SLC44A1: variants seen among roughly 807,000 people sequenced by gnomAD.
SLC44A1 encodes the protein solute carrier family 44 member 1, also known as choline transporter-like protein 1.
A neutral mutation model predicts 79.3 loss-of-function variants in SLC44A1; 26 were observed. The observed-to-expected ratio is 0.33, with a 90% confidence interval of 0.24 to 0.46. The LOEUF (loss-of-function observed/expected upper bound fraction) is 0.46, where lower values mean the gene tolerates loss of function less well. SLC44A1 is among the 20% of genes least tolerant of loss of function. SLC44A1 has a pLI of 1.00. For synonymous variants in SLC44A1, 263 were observed against 286.2 expected (o/e 0.92, Z 0.82); for missense variants, 688 against 798.1 (o/e 0.86, Z 1.66).
chr9:105,436,634 T>G lies in SLC44A1; in HGVS notation c.1951-1647T>G, dbSNP rs572690388. ...GTAAGACAGCAAAGTTTAGGTGAGG[T>G]GTTGTGGAAAATAGGAAGCCATTGC... On this transcript the variant is annotated intron_variant, in intron 15 of 15. Transcript: ENST00000374724. Among the ~76,000 whole-genome samples the G allele has an allele frequency of 4.6e-5, 7 of 151,874 alleles. No individual in the cohort carries two copies. The South Asian group carries it at 1.5e-3, about 32-fold the overall frequency.
intron 15 of SLC44A1, among the ~76,000 whole-genome samples, chr9:105,414,429 C>G (rs1481245189): frequency 6.6e-6 from 1 of 152,142 alleles, no homozygotes; most frequent in Non-Finnish European, 1.5e-5. Context: ...AATGCATGCT[C>G]CCTCAGCACC....
intron 3 of SLC44A1, among the ~76,000 whole-genome samples, chr9:105,330,580 T>C (rs988543295): frequency 1.3e-5 from 2 of 152,214 alleles, no homozygotes; most frequent in Non-Finnish European, 2.9e-5. Context: ...TTCTGACTCT[T>C]ATCCTTTTTC....
At chr9:105,337,632 A>G (rs1310485924) in intron 4 of SLC44A1, among the ~76,000 whole-genome samples, 1 of 152,202 alleles carries the variant, frequency 6.6e-6, no homozygotes, top group Admixed American at 6.5e-5. Flanking sequence ...AAAAGTCTGT[A>G]TGTCTTATGC....
chr9:105,362,744 A>T, intron 8 of SLC44A1, 77 bp from the exon 9 acceptor site: 1 of 1,090,170 alleles, frequency 9.2e-7, no homozygotes, highest in Non-Finnish European at 1.3e-6. Context: ...CTGAAGGGTT[A>T]TGTTAAAAAT....
intron 3 of SLC44A1, among the ~76,000 whole-genome samples, chr9:105,317,227 T>C (rs569025185): frequency 3.3e-5 from 5 of 152,138 alleles, no homozygotes; most frequent in Non-Finnish European, 5.9e-5. Context: ...TTCTCAGTCT[T>C]GAATCTCTCT....
intron 3 of SLC44A1, among the ~76,000 whole-genome samples, chr9:105,319,688 A>G (rs994446019): frequency 6.6e-6 from 1 of 152,154 alleles, no homozygotes; most frequent in African/African-American, 2.4e-5. Context: ...ACCCAAGAGC[A>G]CCAAGTAAAC....
At position 105,393,615 on chromosome 9, in the gene SLC44A1, A is replaced by G. The variant is rs1488130730; in HGVS notation, c.*4559A>G. 6 of 977,782 alleles carry G rather than the reference A, an allele frequency of 6.1e-6. No individual in the cohort carries two copies. Among genetic ancestry groups the G allele is most frequent in the African/African-American group, 5.3e-5 (3 of 57,106 alleles). The allele number at this position is 977,782 out of a possible 1,614,324, so 60.6% of individuals were successfully genotyped here. ...TTTCTGTGGAAAACCTTTCTTTTCT[A>G]TAGAAATACTGTAGTGCCCTTTCTT... On this transcript the variant is annotated 3_prime_UTR_variant, in exon 16 of 16. Coordinates refer to ENST00000374720, the MANE Select transcript of SLC44A1 (RefSeq NM_080546.5).
chr9:105,265,141 T>C (rs779663235), intron 1 of SLC44A1, among the ~76,000 whole-genome samples: 64 of 152,324 alleles, frequency 4.2e-4, no homozygotes, highest in Non-Finnish European at 7.6e-4. Context: ...TCCCATGTGC[T>C]TTTTTAGTTT....
At chr9:105,355,241 T>TTAGTGTA (rs1485067768) in intron 5 of SLC44A1, among the ~76,000 whole-genome samples, 1 of 152,228 alleles carries the variant, frequency 6.6e-6, no homozygotes, top group Non-Finnish European at 1.5e-5. Flanking sequence ...CTCTTATTGA[T>TTAGTGTA]TAGTGTATAC....
At chr9:105,353,891 G>A (rs2131393703) in intron 5 of SLC44A1, among the ~76,000 whole-genome samples, 1 of 152,042 alleles carries the variant, frequency 6.6e-6, no homozygotes, top group East Asian at 1.9e-4. Flanking sequence ...TTAAAAATAT[G>A]GTTAGAAGAG....
In SLC44A1 at chr9:105,300,785, T is replaced by C. The variant is rs1830856886; in HGVS notation, c.126+1476T>C. On this transcript the variant is annotated intron_variant, in intron 2 of 15. Transcript: ENST00000374720. ...AGCGTGTGGAGAAAAAAAATTTTTTTTTTTTTTTGAGACAGAATTTTGCTC... is the reference window on the plus strand; with the variant it reads ...AGCGTGTGGAGAAAAAAAATTTTTTCTTTTTTTTGAGACAGAATTTTGCTC... Among the ~76,000 whole-genome samples the C allele has an allele frequency of 2.6e-5, 4 of 152,070 alleles. No homozygotes were observed. The South Asian group carries it at 8.3e-4, about 32-fold the overall frequency.
At chr9:105,274,287 CT>C (rs1388643394) in intron 1 of SLC44A1, among the ~76,000 whole-genome samples, 7 of 152,172 alleles carry the variant, frequency 4.6e-5, no homozygotes, top group Non-Finnish European at 1.0e-4. Context: ...AAAGTTACCC[CT>C]GGACTGTGCC....
At chr9:105,298,300 C>A (rs952603824) in intron 1 of SLC44A1, among the ~76,000 whole-genome samples, 1 of 152,012 alleles carries the variant, frequency 6.6e-6, no homozygotes, top group African/African-American at 2.4e-5. Context: ...TTTTTTTTGA[C>A]TTAGATAAAT....
intron 13 of SLC44A1, 27 bp downstream of exon 13, chr9:105,374,762 A>T: frequency 6.4e-7 from 1 of 1,552,182 alleles, no homozygotes. Flanking sequence ...TTTCTGCAAC[A>T]TACAGTAAAA....
At chr9:105,357,154 G>A (rs1827646755) in intron 6 of SLC44A1, 1 of 152,110 alleles carries the variant, frequency 6.6e-6, no homozygotes. Flanking sequence ...TGCTTAGGTA[G>A]TACTTGACTC....
At chr9:105,264,596 T>C (rs1332336225) in intron 1 of SLC44A1, among the ~76,000 whole-genome samples, 2 of 152,240 alleles carry the variant, frequency 1.3e-5, no homozygotes, top group South Asian at 2.1e-4. Context: ...TCTATTAATA[T>C]GCACTTATAA....
At chr9:105,267,060 A>G in intron 1 of SLC44A1, among the ~76,000 whole-genome samples, 1 of 152,086 alleles carries the variant, frequency 6.6e-6, no homozygotes, top group African/African-American at 2.4e-5. Context: ...CACCTCCTTC[A>G]GTAGCTTACT....
At chr9:105,277,921 C>A (rs1020932996) in intron 1 of SLC44A1, among the ~76,000 whole-genome samples, 19 of 152,188 alleles carry the variant, frequency 1.2e-4, no homozygotes, top group African/African-American at 4.6e-4. Flanking sequence ...AACCCTGGGG[C>A]TCATGCTTTC....
At chr9:105,399,106 G>A (rs904975066), downstream of SLC44A1, among the ~76,000 whole-genome samples, 1 of 152,138 alleles carries the variant, frequency 6.6e-6, no homozygotes, top group Non-Finnish European at 1.5e-5. Context: ...AATAAGAAAT[G>A]CTTTATGCTT....
Sources: allele counts gnomAD v4.1 joint callset (sites outside exome capture counted in the v4.1 genomes callset), GRCh38; gene constraint gnomAD v4.1.1; transcripts MANE v1.5; gene names NCBI Gene and HGNC (gene_info 2026-07-23, HGNC 2026-07-21).